TAB2: variants seen among roughly 807,000 people sequenced by gnomAD.
TAB2 encodes TGF-beta-activated kinase 1 and MAP3K7-binding protein 2.
TAB2 carries 3 observed loss-of-function variants against 65.0 expected under a neutral mutation model. The observed-to-expected ratio is 0.05, with a 90% CI of 0.02 to 0.12. The LOEUF (loss-of-function observed/expected upper bound fraction) is 0.12, where lower values mean the gene tolerates loss of function less well. Ranked by LOEUF, TAB2 falls within the 10% of genes least tolerant of loss-of-function variation. The pLI is 1.00. For missense variants in TAB2, 623 were observed against 840.3 expected, an observed-to-expected ratio of 0.74 and a Z score of 3.20; for synonymous variants, 298 against 285.1, an observed-to-expected ratio of 1.05 and a Z score of -0.46.
chr6:149,245,440 T>C (rs1393155847), intron 1 of TAB2: 7 of 152,256 alleles, frequency 4.6e-5, no homozygotes, highest in Non-Finnish European at 8.8e-5. Context: ...TATTATAGAA[T>C]AGGATGTAAA....
chr6:149,396,381 C>T (rs1337339581), intron 3 of TAB2, among the ~76,000 whole-genome samples: 1 of 152,140 alleles, frequency 6.6e-6, no homozygotes, highest in Non-Finnish European at 1.5e-5. Context: ...TTTTCTGTCA[C>T]ATTATCTGTG....
intron 1 of TAB2, among the ~76,000 whole-genome samples, chr6:149,232,363 G>A (rs1583035409): frequency 6.6e-6 from 1 of 152,122 alleles, no homozygotes; most frequent in Non-Finnish European, 1.5e-5. Flanking sequence ...AAGTAGCTGG[G>A]ATTACAGGCA....
chr6:149,406,296 T>C (rs1028057135), intron 6 of TAB2, among the ~76,000 whole-genome samples: 1 of 152,228 alleles, frequency 6.6e-6, no homozygotes, highest in Non-Finnish European at 1.5e-5. Flanking sequence ...TAGGAAAGTA[T>C]GAATTATGGA....
At chr6:149,300,637 G>A (rs1331583228) in intron 1 of TAB2, among the ~76,000 whole-genome samples, 1 of 152,128 alleles carries the variant, frequency 6.6e-6, no homozygotes, top group Non-Finnish European at 1.5e-5. Context: ...GTCAGTCATT[G>A]GTTAGGAACC....
At chr6:149,289,835 T>C (rs144072405) in intron 1 of TAB2, among the ~76,000 whole-genome samples, 16 of 152,246 alleles carry the variant, frequency 1.1e-4, no homozygotes, top group Admixed American at 4.6e-4. Flanking sequence ...AATCAATGCA[T>C]GTAAGATGGA....
chr6:149,270,191 G>A (rs761507893), intron 1 of TAB2, among the ~76,000 whole-genome samples: 14 of 152,100 alleles, frequency 9.2e-5, no homozygotes, highest in Non-Finnish European at 1.3e-4. Context: ...CTAATTATTA[G>A]CGATGTAAAA....
At chr6:149,334,855 T>G (rs374732147) in intron 1 of TAB2, among the ~76,000 whole-genome samples, 2 of 152,074 alleles carry the variant, frequency 1.3e-5, no homozygotes, top group Non-Finnish European at 2.9e-5. Context: ...GGAAAAGAAT[T>G]GAGAACTCTG....
At chr6:149,323,437 A>G (rs1779513826) in intron 1 of TAB2, among the ~76,000 whole-genome samples, 1 of 152,166 alleles carries the variant, frequency 6.6e-6, no homozygotes, top group Non-Finnish European at 1.5e-5. Flanking sequence ...AGTTTACCTT[A>G]TCTTTTTAAG....
chr6:149,397,570 G>T (rs543732946), intron 3 of TAB2, 34 bp from the exon 4 acceptor site: 16 of 1,612,578 alleles, frequency 9.9e-6, no homozygotes, highest in Middle Eastern at 1.6e-4. Context: ...GATTAAAGTG[G>T]GTGGGTCCTC....
intron 1 of TAB2, among the ~76,000 whole-genome samples, chr6:149,275,206 C>T (rs1285626574): frequency 8.4e-6 from 1 of 118,352 alleles, no homozygotes; most frequent in Non-Finnish European, 1.7e-5. Context: ...GCCTTGAACT[C>T]CCTTGGGCGG....
chr6:149,274,333 C>A (rs994052873), intron 1 of TAB2, among the ~76,000 whole-genome samples: 3 of 152,220 alleles, frequency 2.0e-5, no homozygotes, highest in Non-Finnish European at 2.9e-5. Context: ...ACTCTACAAC[C>A]ACATAGAAAA....
Position 149,336,173 on chromosome 6 carries a change from T to TAAAC in TAB2, c.-90+18158_-90+18159insAAAC, listed in dbSNP as rs1562421246. Among the ~76,000 whole-genome samples the TAAAC allele has an allele frequency of 5.9e-5, 9 of 152,284 alleles. No individual in the cohort carries two copies. The South Asian group carries it at 1.9e-3, about 32-fold the overall frequency. On this transcript the variant is annotated intron_variant, in intron 1 of 6. Transcript: ENST00000637181. Reference sequence around the variant, plus strand: ...GGCACGTAGTAGTGCTTAACCAATATGTTTGGAATGAATCATTGTCTTGTG... The same window carrying TAAAC: ...GGCACGTAGTAGTGCTTAACCAATATAAACGTTTGGAATGAATCATTGTCTTGTG...
intron 2 of TAB2, among the ~76,000 whole-genome samples, chr6:149,373,027 G>A (rs984127598): frequency 1.3e-5 from 2 of 152,146 alleles, no homozygotes; most frequent in Non-Finnish European, 2.9e-5. Context: ...GCTTGTCAGG[G>A]AGAGAACAAA....
chr6:149,370,404 G>A (rs1158757728), intron 2 of TAB2, among the ~76,000 whole-genome samples: 1 of 152,106 alleles, frequency 6.6e-6, no homozygotes, highest in African/African-American at 2.4e-5. Flanking sequence ...CACCTGTTCT[G>A]CCAGGAGAGC....
chr6:149,340,221 T>C (rs991486765), intron 1 of TAB2, among the ~76,000 whole-genome samples: 1 of 152,178 alleles, frequency 6.6e-6, no homozygotes, highest in African/African-American at 2.4e-5. Context: ...GAGGAACAAG[T>C]GAGAGAATGA....
chr6:149,395,188 A>G (rs1260710134), intron 3 of TAB2, among the ~76,000 whole-genome samples: 1 of 152,198 alleles, frequency 6.6e-6, no homozygotes, highest in African/African-American at 2.4e-5. Flanking sequence ...TGACACATAG[A>G]CCCTCAACTT....
intron 2 of TAB2, among the ~76,000 whole-genome samples, chr6:149,372,169 C>T (rs1462677032): frequency 6.6e-6 from 1 of 151,122 alleles, no homozygotes; most frequent in Admixed American, 6.6e-5. Flanking sequence ...TGTAGAATTA[C>T]TTTAAAATAT....
At chr6:149,259,334 T>TACACACACACACACACACAC (rs61261942) in intron 1 of TAB2, among the ~76,000 whole-genome samples, 1 of 145,930 alleles carries the variant, frequency 6.9e-6, no homozygotes, top group African/African-American at 2.5e-5. Context: ...ACGCTCCCTC[T>TACACACACACACACACACAC]ACACACACAC....
chr6:149,270,415 T>A (rs1288230121), intron 1 of TAB2, among the ~76,000 whole-genome samples: 3 of 152,182 alleles, frequency 2.0e-5, no homozygotes, highest in Non-Finnish European at 2.9e-5. Flanking sequence ...ATTCCTTTTT[T>A]TCTTTAGTTC....
Sources: gnomAD v4.1 joint callset for allele counts (sites outside exome capture counted in the v4.1 genomes callset) on GRCh38, gnomAD v4.1.1 for gene constraint, MANE v1.5 for transcripts, NCBI Gene and HGNC (gene_info 2026-07-23, HGNC 2026-07-21) for gene names.